The following NXPH1 variants were observed in gnomAD, a reference collection of about 807,000 sequenced individuals.
The protein encoded by NXPH1 is neurexophilin-1.
In NXPH1, 5 loss-of-function variants were observed where a neutral mutation model predicts 23.7. The ratio of observed to expected loss-of-function variants is 0.21; its 90% CI spans 0.11 to 0.44. NXPH1 has a LOEUF of 0.44. Ranked by LOEUF, NXPH1 falls within the 20% of genes least tolerant of loss-of-function variation. The pLI, the probability that NXPH1 is intolerant of heterozygous loss-of-function variation, is 0.99. For missense variants in NXPH1, 324 were observed against 321.6 expected, an observed-to-expected ratio of 1.01 and a Z score of -0.06; for synonymous variants, 144 against 122.2, an observed-to-expected ratio of 1.18 and a Z score of -1.18.
At chr7:8,500,590 G>C (rs753996790) in intron 2 of NXPH1, among the ~76,000 whole-genome samples, 1 of 152,032 alleles carries the variant, frequency 6.6e-6, no homozygotes, top group Non-Finnish European at 1.5e-5. Context: ...CCAAACACAA[G>C]ACTCTTTTGT....
At chr7:8,493,795 G>C (rs1817291351) in intron 2 of NXPH1, among the ~76,000 whole-genome samples, 1 of 151,960 alleles carries the variant, frequency 6.6e-6, no homozygotes. Flanking sequence ...ACCACTTCTA[G>C]TCAGATGCGA....
rs1821184425 is a variant in NXPH1, at chr7:8,688,704, G to A, written c.55-62304G>A. Among the ~76,000 whole-genome samples the A allele has an allele frequency of 2.0e-5, 3 of 152,286 alleles. No homozygotes were observed. In the South Asian group the frequency reaches 6.2e-4, roughly 32 times the overall value. The stretch of plus-strand genomic sequence containing the variant: ...TCATCAGACAGTCCTATGCTGGGAA[G>A]GGGAATTGTAACTCCTGCTCTCATT... On this transcript the variant is annotated intron_variant, in intron 2 of 2. Coordinates refer to ENST00000405863, the MANE Select transcript of NXPH1 (RefSeq NM_152745.3).
chr7:8,506,698 A>T (rs1441067591), intron 2 of NXPH1, among the ~76,000 whole-genome samples: 2 of 152,076 alleles, frequency 1.3e-5, no homozygotes, highest in Admixed American at 1.3e-4. Context: ...GATGTTTGAG[A>T]TAAGAGCTAA....
At chr7:8,722,178 A>C (rs913629086) in intron 2 of NXPH1, among the ~76,000 whole-genome samples, 1 of 152,208 alleles carries the variant, frequency 6.6e-6, no homozygotes, top group Admixed American at 6.5e-5. Flanking sequence ...TAATTTTTTA[A>C]AAATTTTAAT....
rs964899976 is a variant in NXPH1 at position 8,524,196 on chromosome 7, C to T, written c.54+88429C>T. On this transcript the variant is annotated intron_variant, in intron 2 of 2. Coordinates refer to ENST00000405863, the MANE Select transcript of NXPH1 (RefSeq NM_152745.3). The stretch of plus-strand genomic sequence containing the variant: ...GGTAGAGGTTGCAGTGAGTGGAGAT[C>T]GTGCCATTGCACTCCAGTCTGGGTG... 1.6e-4 allele frequency among the ~76,000 whole-genome samples: 20 copies of T among 128,178 alleles called. No individual in the cohort carries two copies. The East Asian group carries it at 1.7e-3, about 11-fold the overall frequency. The allele number at this position is 128,178 out of a possible 152,430, so 84.1% of individuals were successfully genotyped here.
chr7:8,548,000 C>A (rs971432567), intron 2 of NXPH1, among the ~76,000 whole-genome samples: 3 of 151,376 alleles, frequency 2.0e-5, no homozygotes, highest in African/African-American at 7.3e-5. Context: ...GGGTAGATAC[C>A]TACTAGTGGG....
At chr7:8,581,237 G>A (rs1211873726) in intron 2 of NXPH1, among the ~76,000 whole-genome samples, 1 of 152,096 alleles carries the variant, frequency 6.6e-6, no homozygotes, top group Admixed American at 6.5e-5. Flanking sequence ...AGGCATTGGG[G>A]AAATAATATG....
intron 2 of NXPH1, among the ~76,000 whole-genome samples, chr7:8,672,447 G>A (rs891638698): frequency 6.6e-6 from 1 of 151,248 alleles, no homozygotes; most frequent in Non-Finnish European, 1.5e-5. Flanking sequence ...TTGTGCACAT[G>A]TACCCTAAAA....
chr7:8,662,912 GAGGA>G (rs1434012491), intron 2 of NXPH1, among the ~76,000 whole-genome samples: 2,254 of 152,178 alleles, frequency 0.015, 25 homozygotes, highest in Middle Eastern at 0.048. Context: ...TTTAACAAGT[GAGGA>G]CATTTCTGTA....
intron 2 of NXPH1, among the ~76,000 whole-genome samples, chr7:8,437,631 A>C (rs1563309989): frequency 1.3e-5 from 2 of 152,240 alleles, no homozygotes; most frequent in Non-Finnish European, 2.9e-5. Flanking sequence ...ACTTTGTGTT[A>C]AATTTTAAAT....
intron 2 of NXPH1, among the ~76,000 whole-genome samples, 191 bp from the exon 3 acceptor site, chr7:8,750,817 G>A (rs1005961594): frequency 2.6e-5 from 4 of 151,982 alleles, no homozygotes; most frequent in Non-Finnish European, 4.4e-5. Flanking sequence ...CTTTTAAAAC[G>A]TAATTATTTA....
At chr7:8,617,606 A>T (rs530273836) in intron 2 of NXPH1, among the ~76,000 whole-genome samples, 125 of 152,248 alleles carry the variant, frequency 8.2e-4, no homozygotes, top group African/African-American at 2.9e-3. Context: ...CTAAAAATCA[A>T]AACAATTGAA....
chr7:8,709,661 A>G (rs1362947943), intron 2 of NXPH1, among the ~76,000 whole-genome samples: 9 of 152,228 alleles, frequency 5.9e-5, no homozygotes, highest in Non-Finnish European at 1.3e-4. Flanking sequence ...ATTTCTGACT[A>G]AATCAGAACA....
intron 2 of NXPH1, among the ~76,000 whole-genome samples, chr7:8,518,597 T>C (rs577900168): frequency 6.6e-6 from 1 of 152,094 alleles, no homozygotes; most frequent in Non-Finnish European, 1.5e-5. Flanking sequence ...AGTGATCCTT[T>C]TGCCTCAGCT....
chr7:8,524,881 T>A (rs1201203305), intron 2 of NXPH1, among the ~76,000 whole-genome samples: 3 of 152,200 alleles, frequency 2.0e-5, no homozygotes, highest in Non-Finnish European at 4.4e-5. Context: ...TCTCTTTTTC[T>A]TCCCAGTCTC....
intron 2 of NXPH1, among the ~76,000 whole-genome samples, chr7:8,573,809 G>T (rs1584242011): frequency 6.6e-6 from 1 of 152,184 alleles, no homozygotes; most frequent in African/African-American, 2.4e-5. Context: ...TTGAATGTCT[G>T]GAAATAAACT....
intron 2 of NXPH1, among the ~76,000 whole-genome samples, chr7:8,486,377 A>G (rs1817159784): frequency 6.6e-6 from 1 of 152,156 alleles, no homozygotes; most frequent in African/African-American, 2.4e-5. Flanking sequence ...ACTCAGTCTG[A>G]TTAATTTTCT....
chr7:8,734,232 T>C (rs1780206710), intron 2 of NXPH1, among the ~76,000 whole-genome samples: 1 of 152,204 alleles, frequency 6.6e-6, no homozygotes, highest in Admixed American at 6.5e-5. Flanking sequence ...CATTGGTTTA[T>C]ATAACTGTTT....
chr7:8,535,793 A>T (rs905986451), intron 2 of NXPH1, among the ~76,000 whole-genome samples: 1 of 152,000 alleles, frequency 6.6e-6, no homozygotes, highest in African/African-American at 2.4e-5. Flanking sequence ...TCAATTTACA[A>T]TTTTGAAAAA....
Sources: gnomAD v4.1 joint callset for allele counts (sites outside exome capture counted in the v4.1 genomes callset) on GRCh38, gnomAD v4.1.1 for gene constraint, MANE v1.5 for transcripts, NCBI Gene and HGNC (gene_info 2026-07-23, HGNC 2026-07-21) for gene names.